The following CACNA1E variants were observed in gnomAD, a reference collection of about 807,000 sequenced individuals.
The protein encoded by CACNA1E is calcium voltage-gated channel subunit alpha1 E.
CACNA1E carries 40 observed loss-of-function variants against 259.2 expected under a neutral mutation model. That is an observed-to-expected ratio of 0.15 (90% CI 0.12 to 0.20). The LOEUF (loss-of-function observed/expected upper bound fraction) is 0.20, where lower values mean the gene tolerates loss of function less well. CACNA1E is among the 10% of genes least tolerant of loss of function. CACNA1E has a pLI of 1.00. For missense variants in CACNA1E, 1,874 were observed against 3,040.1 expected (o/e 0.62, Z 9.02); for synonymous variants, 1,104 against 1,138.5 (o/e 0.97, Z 0.61).
Position 181,347,844 on chromosome 1 carries a change from C to T in CACNA1E, c.-15+29721C>T, listed in dbSNP as rs1652725157. On this transcript the variant is annotated intron_variant, in intron 1 of 11. Transcript: ENST00000524607. ...CCTATCAGGCTTCTGGTGAGAAGTGCTCTAAGACAGTAAATATTTCCCCTT... is the reference window on the plus strand; with the variant it reads ...CCTATCAGGCTTCTGGTGAGAAGTGTTCTAAGACAGTAAATATTTCCCCTT... Among the ~76,000 whole-genome samples, 2 of 152,238 alleles carry T rather than the reference C, an allele frequency of 1.3e-5. 1 individual carries two copies. The highest frequency in any genetic ancestry group is 3.8e-4 in the East Asian group (2 of 5,202).
chr1:181,414,802 T>C (rs1409579923), intron 2 of CACNA1E, among the ~76,000 whole-genome samples: 1 of 152,262 alleles, frequency 6.6e-6, no homozygotes, highest in Non-Finnish European at 1.5e-5. Flanking sequence ...TGTGATTTGA[T>C]ATTAATTAGT....
At chr1:181,652,714 C>T (rs1000790249) in intron 7 of CACNA1E, among the ~76,000 whole-genome samples, 1 of 152,124 alleles carries the variant, frequency 6.6e-6, no homozygotes, top group Non-Finnish European at 1.5e-5. Context: ...ATTAGAATCC[C>T]TGCCCCACCC....
chr1:181,784,835 G>A, intron 41 of CACNA1E, 67 bp downstream of exon 41: 1 of 911,744 alleles, frequency 1.1e-6, no homozygotes, highest in Non-Finnish European at 1.7e-6. Context: ...GTCTTTGGGG[G>A]GAACCCAGAG....
At chr1:181,604,484 GAGA>G (rs563212944) in intron 6 of CACNA1E, among the ~76,000 whole-genome samples, 37 of 152,342 alleles carry the variant, frequency 2.4e-4, no homozygotes, top group Admixed American at 2.4e-3. Context: ...AAAGTGGGAG[GAGA>G]AGGAGCAGTT....
intron 1 of CACNA1E, among the ~76,000 whole-genome samples, chr1:181,407,764 C>T (rs926904737): frequency 6.6e-6 from 1 of 152,152 alleles, no homozygotes; most frequent in Non-Finnish European, 1.5e-5. Context: ...GGTGAGTATG[C>T]TGAGTAGGTC....
At chr1:181,421,940 C>A (rs1471448036) in intron 2 of CACNA1E, among the ~76,000 whole-genome samples, 1 of 152,168 alleles carries the variant, frequency 6.6e-6, no homozygotes, top group African/African-American at 2.4e-5. Context: ...AAAGCCCTAT[C>A]CGACCTGAGC....
chr1:181,693,191 A>G (rs1651374092), intron 7 of CACNA1E, among the ~76,000 whole-genome samples: 1 of 151,660 alleles, frequency 6.6e-6, no homozygotes, highest in Admixed American at 6.6e-5. Context: ...GGGAATGCTT[A>G]TACTCTGTTG....
intron 3 of CACNA1E, among the ~76,000 whole-genome samples, chr1:181,533,270 A>C (rs912689353): frequency 8.0e-5 from 12 of 149,524 alleles, no homozygotes; most frequent in African/African-American, 2.7e-4. Context: ...AGCATAAGTT[A>C]TGATTATCAT....
At chr1:181,752,077 T>C (rs1657648029) in intron 26 of CACNA1E, 66 bp from the exon 27 acceptor site, 1 of 1,109,624 alleles carries the variant, frequency 9.0e-7, no homozygotes, top group Non-Finnish European at 1.4e-6. Context: ...ACTAATGCCA[T>C]AGTTTGAATG....
At chr1:181,342,162 G>T (rs1251063428) in intron 1 of CACNA1E, among the ~76,000 whole-genome samples, 1 of 152,152 alleles carries the variant, frequency 6.6e-6, no homozygotes, top group Non-Finnish European at 1.5e-5. Context: ...GGAAGGGCAG[G>T]TACAAAGGCC....
At chr1:181,340,948 G>T (rs890315969) in intron 1 of CACNA1E, among the ~76,000 whole-genome samples, 1 of 152,122 alleles carries the variant, frequency 6.6e-6, no homozygotes, top group Non-Finnish European at 1.5e-5. Context: ...TTGAGATGTT[G>T]ACAAAGAGGG....
At chr1:181,720,720 G>A in intron 14 of CACNA1E, 63 bp from the exon 15 acceptor site, 2 of 929,704 alleles carry the variant, frequency 2.2e-6, no homozygotes, top group Non-Finnish European at 1.7e-6. Context: ...TGTGATCTTG[G>A]GGAATGGAAA....
chr1:181,550,661 C>G (rs781211540), intron 3 of CACNA1E, among the ~76,000 whole-genome samples: 6 of 151,774 alleles, frequency 4.0e-5, no homozygotes, highest in African/African-American at 7.3e-5. Context: ...GAATTCACTG[C>G]TGGCATTTGT....
chr1:181,440,931 T>A (rs1238740880), intron 2 of CACNA1E, among the ~76,000 whole-genome samples: 1 of 137,204 alleles, frequency 7.3e-6, no homozygotes, highest in East Asian at 2.3e-4. Context: ...CAGTGAGCCA[T>A]GGTCATGCCA....
chr1:181,512,453 A>G (rs1327718852), intron 3 of CACNA1E, among the ~76,000 whole-genome samples: 12 of 152,224 alleles, frequency 7.9e-5, no homozygotes. Context: ...ATGGCAGGGA[A>G]GGCGAAATAT....
chr1:181,664,552 G>C (rs539291501), intron 7 of CACNA1E, among the ~76,000 whole-genome samples: 1 of 152,278 alleles, frequency 6.6e-6, no homozygotes, highest in South Asian at 2.1e-4. Flanking sequence ...TGTGAAATGT[G>C]AATGTGAAAT....
At chr1:181,399,408 A>T (rs1173754657) in intron 1 of CACNA1E, among the ~76,000 whole-genome samples, 1 of 152,178 alleles carries the variant, frequency 6.6e-6, no homozygotes, top group East Asian at 1.9e-4. Context: ...AGATTGTCCC[A>T]GGTGGCCACA....
intron 2 of CACNA1E, among the ~76,000 whole-genome samples, chr1:181,471,581 T>A (rs950972302): frequency 6.6e-6 from 1 of 152,220 alleles, no homozygotes; most frequent in African/African-American, 2.4e-5. Flanking sequence ...CTTTCAGAAT[T>A]TCTTTCCCTT....
At chr1:181,755,877 C>T (rs1049389924) in intron 28 of CACNA1E, 79 bp from the exon 29 acceptor site, 55 of 1,381,314 alleles carry the variant, frequency 4.0e-5, no homozygotes, top group African/African-American at 2.8e-4. Flanking sequence ...CACATTATTG[C>T]GGCCTGTAGA....
Sources: gnomAD v4.1 joint callset for allele counts (sites outside exome capture counted in the v4.1 genomes callset) on GRCh38, gnomAD v4.1.1 for gene constraint, MANE v1.5 for transcripts, NCBI Gene and HGNC (gene_info 2026-07-23, HGNC 2026-07-21) for gene names.